The following ABLIM1 variants were observed in gnomAD, a reference collection of about 807,000 sequenced individuals.
The protein encoded by ABLIM1 is actin binding LIM protein 1.
Under a neutral mutation model 107.0 loss-of-function variants are expected in ABLIM1, and 40 were observed. The observed-to-expected ratio is 0.37, with a 90% CI of 0.29 to 0.49. The LOEUF (loss-of-function observed/expected upper bound fraction) is 0.49. Ranked by LOEUF, ABLIM1 falls within the 20% of genes least tolerant of loss-of-function variation. The pLI is 0.97. For missense variants in ABLIM1, 857 were observed against 1,008.5 expected (o/e 0.85, Z 2.04); for synonymous variants, 357 against 357.3 (o/e 1.00, Z 0.01).
At chr10:114,672,313 A>G (rs2080291168) in intron 1 of ABLIM1, among the ~76,000 whole-genome samples, 1 of 152,016 alleles carries the variant, frequency 6.6e-6, no homozygotes, top group Non-Finnish European at 1.5e-5. Context: ...CAATCCTCCC[A>G]CTTCAGCCTG....
At chr10:114,661,681 G>A (rs2079802149), upstream of ABLIM1, among the ~76,000 whole-genome samples, 1 of 152,198 alleles carries the variant, frequency 6.6e-6, no homozygotes. Flanking sequence ...CAAAGCTAAT[G>A]ATAATTACAA....
At chr10:114,793,696 C>G in the ABLIM1 span, among the ~76,000 whole-genome samples, 1 of 152,184 alleles carries the variant, frequency 6.6e-6, no homozygotes, top group Non-Finnish European at 1.5e-5. Flanking sequence ...AGGCCCATTA[C>G]TGGGAGATGG....
At chr10:114,756,892 G>A (rs2082641967) in intron 1 of ABLIM1, among the ~76,000 whole-genome samples, 1 of 152,114 alleles carries the variant, frequency 6.6e-6, no homozygotes, top group South Asian at 2.1e-4. Context: ...CACTGGACAC[G>A]TTGTAGTGCA....
intron 1 of ABLIM1, among the ~76,000 whole-genome samples, chr10:114,640,641 A>T (rs572441439): frequency 6.6e-6 from 1 of 152,352 alleles, no homozygotes; most frequent in African/African-American, 2.4e-5. Context: ...CATAACATCT[A>T]TGACCCGTGT....
At chr10:114,552,374 T>C (rs948349681) in intron 4 of ABLIM1, among the ~76,000 whole-genome samples, 2 of 152,122 alleles carry the variant, frequency 1.3e-5, no homozygotes, top group Admixed American at 1.3e-4. Context: ...AAGCTGGTGA[T>C]TGGCATTGGA....
At chr10:114,524,363 T>C (rs2064275612) in intron 6 of ABLIM1, among the ~76,000 whole-genome samples, 1 of 152,220 alleles carries the variant, frequency 6.6e-6, no homozygotes, top group Non-Finnish European at 1.5e-5. Flanking sequence ...TCCCAGCCAT[T>C]GACTTCATCG....
At chr10:114,472,247 C>T (rs890672364) in intron 10 of ABLIM1, among the ~76,000 whole-genome samples, 1 of 152,074 alleles carries the variant, frequency 6.6e-6, no homozygotes, top group African/African-American at 2.4e-5. Flanking sequence ...GAAACTAGGA[C>T]CATTTTTCTT....
At chr10:114,645,148 G>A (rs904956010) in intron 1 of ABLIM1, among the ~76,000 whole-genome samples, 2 of 152,136 alleles carry the variant, frequency 1.3e-5, no homozygotes, top group Non-Finnish European at 2.9e-5. Flanking sequence ...CCATACCTCC[G>A]TGGCACTCGC....
intron 6 of ABLIM1, among the ~76,000 whole-genome samples, chr10:114,524,815 T>C (rs2064385056): frequency 6.6e-6 from 1 of 152,250 alleles, no homozygotes; most frequent in South Asian, 2.1e-4. Flanking sequence ...GAAGAATGTA[T>C]ATCCGCAGCA....
chr10:114,585,579 T>C (rs887536814), intron 2 of ABLIM1, among the ~76,000 whole-genome samples: 49 of 152,186 alleles, frequency 3.2e-4, no homozygotes, highest in African/African-American at 1.1e-3. Flanking sequence ...CAGGTTTTCC[T>C]GCTCTACTTT....
intron 1 of ABLIM1, among the ~76,000 whole-genome samples, chr10:114,631,442 G>A (rs535560856): frequency 6.6e-6 from 1 of 152,264 alleles, no homozygotes; most frequent in East Asian, 1.9e-4. Flanking sequence ...AAACAACCCA[G>A]CTTCTCCTTT....
intron 17 of ABLIM1, among the ~76,000 whole-genome samples, chr10:114,443,138 T>C (rs1450670555): frequency 6.6e-6 from 1 of 152,146 alleles, no homozygotes; most frequent in African/African-American, 2.4e-5. Context: ...AGGAGAAAAT[T>C]ATGCTCTAGC....
chr10:114,769,491 AAG>A (rs2082995098), upstream of ABLIM1, among the ~76,000 whole-genome samples: 2 of 147,424 alleles, frequency 1.4e-5, no homozygotes, highest in Non-Finnish European at 3.0e-5. Flanking sequence ...GAAAGAAAGA[AAG>A]GGAAGGAAGA....
At chr10:114,769,529 AAAG>A (rs775305428), upstream of ABLIM1, among the ~76,000 whole-genome samples, 27 of 148,142 alleles carry the variant, frequency 1.8e-4, no homozygotes, top group African/African-American at 5.9e-4. Flanking sequence ...GGGAAGGAGA[AAAG>A]AAAGGAAGGA....
chr10:114,460,601 C>CA (rs983654566), intron 12 of ABLIM1, among the ~76,000 whole-genome samples: 3 of 151,362 alleles, frequency 2.0e-5, no homozygotes, highest in South Asian at 2.1e-4. Flanking sequence ...ACTCTGTCTC[C>CA]AAAAAAACAA....
chr10:114,570,946 G>C (rs1242960379), intron 4 of ABLIM1, among the ~76,000 whole-genome samples: 1 of 152,078 alleles, frequency 6.6e-6, no homozygotes, highest in East Asian at 1.9e-4. Context: ...TGTTTTCCAT[G>C]ATGCCTACGT....
At chr10:114,530,425 G>T (rs772077970) in intron 6 of ABLIM1, among the ~76,000 whole-genome samples, 59 of 152,110 alleles carry the variant, frequency 3.9e-4, no homozygotes, top group Non-Finnish European at 2.5e-4. Flanking sequence ...AATCCTCCAG[G>T]AGTTTATACT....
the ABLIM1 span, among the ~76,000 whole-genome samples, chr10:114,789,544 G>C: frequency 6.6e-6 from 1 of 152,126 alleles, no homozygotes; most frequent in African/African-American, 2.4e-5. Context: ...ACTCCCACCA[G>C]AAGTGTATAA....
chr10:114,765,375 T>A (rs1046203602), intron 1 of ABLIM1, among the ~76,000 whole-genome samples: 6 of 151,476 alleles, frequency 4.0e-5, no homozygotes, highest in South Asian at 2.1e-4. Flanking sequence ...AAAAAAAATA[T>A]TCTATTATTC....
Sources: allele counts gnomAD v4.1 joint callset (sites outside exome capture counted in the v4.1 genomes callset), GRCh38; gene constraint gnomAD v4.1.1; transcripts MANE v1.5; gene names NCBI Gene and HGNC (gene_info 2026-07-23, HGNC 2026-07-21).